ASH2L: variants seen among roughly 807,000 people sequenced by gnomAD.
ASH2L encodes the protein set1/Ash2 histone methyltransferase complex subunit ASH2.
ASH2L carries 30 observed loss-of-function variants against 81.1 expected under a neutral mutation model. The ratio of observed to expected loss-of-function variants is 0.37; its 90% confidence interval spans 0.28 to 0.50. ASH2L has a LOEUF of 0.50. ASH2L is among the 20% of genes least tolerant of loss of function. The pLI is 0.95. For synonymous variants in ASH2L, 273 were observed against 279.9 expected (o/e 0.98, Z 0.24); for missense variants, 559 against 792.1 (o/e 0.71, Z 3.53).
intron 13 of ASH2L, among the ~76,000 whole-genome samples, chr8:38,134,414 T>C (rs1005828373): frequency 2.6e-5 from 4 of 151,898 alleles, no homozygotes; most frequent in Admixed American, 2.0e-4. Context: ...AGGTATCAAG[T>C]CCAAAGGGAG....
chr8:38,110,249 C>T lies in ASH2L; in HGVS notation c.402-130C>T, dbSNP rs1328967676. 11 of 699,014 alleles carry T rather than the reference C, an allele frequency of 1.6e-5. No individual in the cohort carries two copies. In the Admixed American group the frequency reaches 2.0e-4, roughly 13 times the overall value. 43.3% of individuals were successfully genotyped at this position (699,014 alleles called of 1,614,324 possible). Reference sequence around the variant, plus strand: ...CAACCTGAGCCAGGGAACGTCAAGTCTGCAGTGAGCTATGATTGCACCACT... The same window carrying T: ...CAACCTGAGCCAGGGAACGTCAAGTTTGCAGTGAGCTATGATTGCACCACT... On this transcript the variant is annotated intron_variant, in intron 3 of 15. Coordinates refer to ENST00000343823, the MANE Select transcript of ASH2L (RefSeq NM_004674.5).
At chr8:38,114,856 C>A in intron 6 of ASH2L, 49 bp from the exon 7 acceptor site, 1 of 1,236,390 alleles carries the variant, frequency 8.1e-7, no homozygotes, top group Non-Finnish European at 1.2e-6. Flanking sequence ...TAATTCCATA[C>A]TTTTAAGTAT....
chr8:38,117,592 G>A (rs757855980), intron 8 of ASH2L: 3 of 403,814 alleles, frequency 7.4e-6, no homozygotes, highest in Non-Finnish European at 1.0e-5. Context: ...TATGAAAATG[G>A]CGGCAATAGC....
chr8:38,106,910 C>T (rs564644752), intron 2 of ASH2L, 111 bp from the exon 3 acceptor site: 4 of 1,314,292 alleles, frequency 3.0e-6, no homozygotes, highest in Middle Eastern at 5.3e-4. Context: ...ACCTCAGGAT[C>T]ACTTGAGACC....
intron 7 of ASH2L, among the ~76,000 whole-genome samples, chr8:38,115,560 T>C (rs1233285727): frequency 6.6e-6 from 1 of 151,866 alleles, no homozygotes; most frequent in African/African-American, 2.4e-5. Context: ...CTAGCACTTT[T>C]GGAGGCTGAG....
At chr8:38,117,430 G>A (rs1810952669) in intron 8 of ASH2L, 1 of 984,836 alleles carries the variant, frequency 1.0e-6, no homozygotes, top group South Asian at 4.7e-5. Flanking sequence ...ACAAATACAT[G>A]GTGCCACTTC....
At position 38,116,721 on chromosome 8, in the gene ASH2L, A is replaced by C. The variant is rs1310186148; in HGVS notation, c.849A>C (p.Leu283Phe). The C allele has an allele frequency of 6.2e-7, 1 of 1,612,100 alleles. No homozygotes were observed. Among genetic ancestry groups the C allele is most frequent in the South Asian group, 1.1e-5 (1 of 90,942 alleles). The change falls in exon 8 of 16, where the codon TTA (leucine) becomes TTC (phenylalanine). Residue 283 changes from leucine to phenylalanine, a missense_variant. This residue lies in a region of ASH2L where 318 missense variants were observed against 527.0 expected (regional missense o/e 0.60). Coordinates refer to ENST00000343823, the MANE Select transcript of ASH2L (RefSeq NM_004674.5). ...GTGCTGTGTCTACTAGTGGGAATTT[A>C]AATGGTAAGTGTTTACATATCTCAT... ...QSSAVSTSGN[L>F]NGGIAAGSSG... is the part of the protein sequence containing the mutation.
chr8:38,129,061 T>C, intron 12 of ASH2L, 110 bp downstream of exon 12: 1 of 1,459,304 alleles, frequency 6.9e-7, no homozygotes, highest in African/African-American at 1.4e-5. Flanking sequence ...TCACGTTTTT[T>C]CCTAACCTGT....
Position 38,128,478 on chromosome 8 carries a change from T to G in ASH2L, c.1333+20T>G. 3 of 1,612,214 alleles carry G rather than the reference T, an allele frequency of 1.9e-6. No individual in the cohort carries two copies. Among genetic ancestry groups the G allele is most frequent in the Non-Finnish European group, 2.5e-6 (3 of 1,179,380 alleles). On this transcript the variant is annotated intron_variant, in intron 11 of 15. Coordinates refer to ENST00000343823, the MANE Select transcript of ASH2L (RefSeq NM_004674.5). The stretch of plus-strand genomic sequence containing the variant: ...CCCTAGGTAAGCTGGGGCCTTAATA[T>G]GGACATCACAGCAGATAGAGAGGAT...
rs761472959 is a variant in ASH2L at position 38,106,494 on chromosome 8, T to TTTC, written c.255+62_255+64dup. 116 of 1,456,148 alleles carry TTTC rather than the reference T, an allele frequency of 8.0e-5. No homozygotes were observed. In the Middle Eastern group the frequency reaches 2.1e-3, roughly 27 times the overall value. 90.2% of individuals were successfully genotyped at this position (1,456,148 alleles called of 1,614,324 possible). A position where few individuals can be genotyped will look rare whatever the true frequency, so the allele number is the denominator to read the frequency against. On this transcript the variant is annotated intron_variant, in intron 2 of 15. Coordinates refer to ENST00000343823, the MANE Select transcript of ASH2L (RefSeq NM_004674.5). ...GACAAAATAGGGTTTGTTTTAGTTA[T>TTTC]TTCTTCTTCTTCTTTTTTTTTTTTT...
intron 13 of ASH2L, among the ~76,000 whole-genome samples, chr8:38,133,763 A>G (rs984175028): frequency 8.5e-5 from 13 of 152,198 alleles, no homozygotes; most frequent in Non-Finnish European, 1.9e-4. Flanking sequence ...TTCTTTCAGG[A>G]TAACTCTGTA....
intron 14 of ASH2L, among the ~76,000 whole-genome samples, chr8:38,137,087 C>A (rs1445116158): frequency 1.1e-4 from 15 of 137,108 alleles, no homozygotes; most frequent in Non-Finnish European, 2.0e-4. Context: ...AGTGAGACTC[C>A]GTCTCAAAAA....
chr8:38,119,696 T>G (rs1811057327), intron 9 of ASH2L, among the ~76,000 whole-genome samples: 1 of 151,864 alleles, frequency 6.6e-6, no homozygotes. Flanking sequence ...TCCCAGCTAC[T>G]TGGGAGGCTG....
At chr8:38,125,514 A>G (rs964198594) in intron 10 of ASH2L, among the ~76,000 whole-genome samples, 3 of 152,094 alleles carry the variant, frequency 2.0e-5, no homozygotes, top group Admixed American at 2.0e-4. Flanking sequence ...AGGCTAAGAC[A>G]GGAGAATCTC....
chr8:38,133,540 T>G lies in ASH2L; in HGVS notation c.1614T>G (p.His538Gln), dbSNP rs760922908. 6.2e-7 allele frequency: 1 copy of G among 1,605,648 alleles called. No individual in the cohort carries two copies. The highest frequency in any genetic ancestry group is 1.1e-5 in the South Asian group (1 of 90,548). ...KAEKSLKQTP[H>Q]SEIIFYKNGV... Reference sequence around the variant, plus strand: ...AGAAGAGCCTGAAGCAGACTCCCCATAGTGAGGTGAGTCATGGCCATAAGA... The same window carrying G: ...AGAAGAGCCTGAAGCAGACTCCCCAGAGTGAGGTGAGTCATGGCCATAAGA... Residue 538 changes from histidine to glutamine, a missense_variant, in exon 13 of 16, where the codon CAT becomes CAG. Around this residue, in one of 4 missense-constraint regions of ASH2L, gnomAD observed 95 missense variants for 130.7 expected, o/e 0.73. Coordinates refer to ENST00000343823, the MANE Select transcript of ASH2L (RefSeq NM_004674.5).
intron 10 of ASH2L, 131 bp from the exon 11 acceptor site, chr8:38,128,160 A>G: frequency 9.2e-7 from 1 of 1,081,952 alleles, no homozygotes; most frequent in Non-Finnish European, 1.3e-6. Context: ...AAACTCCTCA[A>G]CTAATATTTC....
Position 38,120,914 on chromosome 8 carries a change from A to C in ASH2L, c.948-18A>C. The C allele has an allele frequency of 6.2e-7, 1 of 1,608,582 alleles. No individual in the cohort carries two copies. The stretch of plus-strand genomic sequence containing the variant: ...AAGGGGGTTTTAGTTTTTTGATGTT[A>C]TTTTTTCCTTTCTGCAGTGACCCTT... On this transcript the variant is annotated intron_variant, in intron 9 of 15. Transcript: ENST00000343823.
At chr8:38,106,506 CTTTTT>C (rs112972804) in intron 2 of ASH2L, 62 bp downstream of exon 2, 126 of 966,192 alleles carry the variant, frequency 1.3e-4, no homozygotes, top group Non-Finnish European at 1.4e-4. Flanking sequence ...TCTTCTTCTT[CTTTTT>C]TTTTTTTTTT....
chr8:38,108,020 G>C (rs1810524745), intron 3 of ASH2L, among the ~76,000 whole-genome samples: 1 of 151,706 alleles, frequency 6.6e-6, no homozygotes, highest in Non-Finnish European at 1.5e-5. Flanking sequence ...CTGCAGCCTC[G>C]AACTTCTGAG....
Sources: gnomAD v4.1 joint callset for allele counts (sites outside exome capture counted in the v4.1 genomes callset) on GRCh38, gnomAD v4.1.1 for gene constraint, gnomAD v4.1.1 regional missense constraint, MANE v1.5 for transcripts, NCBI Gene and HGNC (gene_info 2026-07-23, HGNC 2026-07-21) for gene names.